EPHA6: variants seen among roughly 807,000 people sequenced by gnomAD.
EPHA6 encodes the protein ephrin type-A receptor 6.
In EPHA6, 50 loss-of-function variants were observed where a neutral mutation model predicts 112.0. The ratio of observed to expected loss-of-function variants is 0.45; its 90% CI spans 0.36 to 0.56. The LOEUF is 0.56. Ranked by LOEUF, EPHA6 falls within the 20% of genes least tolerant of loss-of-function variation. The pLI, the probability that EPHA6 is intolerant of heterozygous loss-of-function variation, is 0.00. For synonymous variants in EPHA6, 529 were observed against 490.7 expected (o/e 1.08, Z -1.03); for missense variants, 1,280 against 1,417.4 (o/e 0.90, Z 1.56).
intron 5 of EPHA6, among the ~76,000 whole-genome samples, chr3:97,356,108 C>G (rs1370279762): frequency 2.0e-5 from 3 of 152,166 alleles, no homozygotes; most frequent in African/African-American, 7.2e-5. Context: ...TGCCTCCTGT[C>G]AGATCAGTGG....
intron 3 of EPHA6, among the ~76,000 whole-genome samples, chr3:97,063,371 A>T (rs2046083252): frequency 6.6e-6 from 1 of 152,244 alleles, no homozygotes; most frequent in Admixed American, 6.5e-5. Context: ...CTATGCAGCC[A>T]TAAAAAGGAA....
At chr3:97,507,073 G>T (rs923371287) in intron 10 of EPHA6, among the ~76,000 whole-genome samples, 1 of 152,134 alleles carries the variant, frequency 6.6e-6, no homozygotes, top group African/African-American at 2.4e-5. Flanking sequence ...GAGCTGAGAT[G>T]ATGGGGTTTT....
At chr3:97,521,889 GTGA>G (rs1160274787) in intron 10 of EPHA6, among the ~76,000 whole-genome samples, 6 of 147,126 alleles carry the variant, frequency 4.1e-5, no homozygotes, top group African/African-American at 1.5e-4. Context: ...GTGTAGGATA[GTGA>G]CTACCAAACT....
intron 14 of EPHA6, among the ~76,000 whole-genome samples, chr3:97,674,043 C>T (rs2107664979): frequency 6.6e-6 from 1 of 152,208 alleles, no homozygotes; most frequent in Middle Eastern, 3.4e-3. Context: ...GATGTATGTG[C>T]AGAACGACAG....
chr3:97,475,854 G>A (rs1004628039), intron 8 of EPHA6, among the ~76,000 whole-genome samples: 2 of 151,922 alleles, frequency 1.3e-5, no homozygotes, highest in Non-Finnish European at 2.9e-5. Flanking sequence ...ATTAAATATT[G>A]AAACTGTCTA....
At position 96,959,196 on chromosome 3, in the gene EPHA6, G is replaced by A. The variant is rs531085828; in HGVS notation, c.451-28134G>A. Among the ~76,000 whole-genome samples the A allele has an allele frequency of 3.3e-5, 5 of 152,288 alleles. No individual in the cohort carries two copies. The South Asian group carries it at 1.0e-3, about 32-fold the overall frequency. On this transcript the variant is annotated intron_variant, in intron 2 of 17. Transcript: ENST00000389672. ...TTTATTGTCTGGTGTTTGTTTGTAGGCATCCTAGTAAGCGTGGAGTGGTTT... is the reference window on the plus strand; with the variant it reads ...TTTATTGTCTGGTGTTTGTTTGTAGACATCCTAGTAAGCGTGGAGTGGTTT...
chr3:97,170,463 G>A (rs146825548), intron 3 of EPHA6, among the ~76,000 whole-genome samples: 30 of 152,240 alleles, frequency 2.0e-4, no homozygotes, highest in African/African-American at 4.1e-4. Context: ...GGAGCCAGGC[G>A]TGGTGGCTCA....
chr3:97,532,304 C>A, intron 10 of EPHA6, 54 bp from the exon 11 acceptor site: 1 of 1,497,948 alleles, frequency 6.7e-7, no homozygotes. Context: ...TTTGACTCTT[C>A]TGAAATGTAA....
At chr3:97,500,516 CA>C (rs943672319) in intron 10 of EPHA6, among the ~76,000 whole-genome samples, 2 of 151,978 alleles carry the variant, frequency 1.3e-5, no homozygotes, top group Non-Finnish European at 2.9e-5. Context: ...AGAACAGCAC[CA>C]GGGGGATAGT....
At chr3:97,049,530 C>G (rs1397515462) in intron 3 of EPHA6, among the ~76,000 whole-genome samples, 1 of 152,088 alleles carries the variant, frequency 6.6e-6, no homozygotes, top group East Asian at 1.9e-4. Flanking sequence ...TTAGTAATCT[C>G]GTTTTACAAG....
In EPHA6 at chr3:97,756,525, T is replaced by C. The variant is rs1299423838; in HGVS notation, c.*7824T>C. ...GAAAGTAAGGTTTAATGTGTATAAA[T>C]GTTTGTCATTGAAGTTTGGAATTTA... On this transcript the variant is annotated 3_prime_UTR_variant, in exon 18 of 18. Coordinates refer to ENST00000389672, the MANE Select transcript of EPHA6 (RefSeq NM_001080448.3). Among the ~76,000 whole-genome samples, 1 of 151,972 alleles carries C rather than the reference T, an allele frequency of 6.6e-6. No homozygotes were observed. The highest frequency in any genetic ancestry group is 1.5e-5 in the Non-Finnish European group (1 of 67,824).
At position 96,846,135 on chromosome 3, in the gene EPHA6, G is replaced by A. The variant is rs139331397; in HGVS notation, c.386-20690G>A. Among the ~76,000 whole-genome samples, 369 of 151,918 alleles carry A rather than the reference G, an allele frequency of 2.4e-3. 1 individual carries two copies. The highest frequency in any genetic ancestry group is 8.7e-3 in the African/African-American group (361 of 41,470). ...ATAGAAAATATAAAATTAAATCAAAGGCAAGTATTTTGTGAAATTTTGCTT... is the reference window on the plus strand; with the variant it reads ...ATAGAAAATATAAAATTAAATCAAAAGCAAGTATTTTGTGAAATTTTGCTT... On this transcript the variant is annotated intron_variant, in intron 1 of 17. Transcript: ENST00000389672.
intron 3 of EPHA6, among the ~76,000 whole-genome samples, chr3:97,085,902 T>C (rs1156665774): frequency 1.4e-5 from 2 of 147,916 alleles, no homozygotes. Flanking sequence ...AAAATTCAGA[T>C]TTGTGAGCTT....
At chr3:97,517,388 G>A (rs147708089) in intron 10 of EPHA6, among the ~76,000 whole-genome samples, 90 of 152,156 alleles carry the variant, frequency 5.9e-4, no homozygotes, top group Non-Finnish European at 1.0e-3. Context: ...GCAGGGGTTT[G>A]CTCTAGATTG....
At chr3:97,090,446 A>G (rs903079006) in intron 3 of EPHA6, among the ~76,000 whole-genome samples, 2 of 152,100 alleles carry the variant, frequency 1.3e-5, no homozygotes, top group Non-Finnish European at 2.9e-5. Flanking sequence ...TAGACATTGT[A>G]ATTTTTTTGC....
chr3:97,521,443 A>G (rs897406864), intron 10 of EPHA6, among the ~76,000 whole-genome samples: 1 of 152,160 alleles, frequency 6.6e-6, no homozygotes, highest in Non-Finnish European at 1.5e-5. Flanking sequence ...GAAACTTACA[A>G]TTATGGTGGA....
chr3:97,330,564 A>T (rs1576993995), intron 5 of EPHA6, among the ~76,000 whole-genome samples: 1 of 151,958 alleles, frequency 6.6e-6, no homozygotes, highest in Non-Finnish European at 1.5e-5. Flanking sequence ...CTAGGCATTT[A>T]ATTCTCTTTG....
intron 5 of EPHA6, among the ~76,000 whole-genome samples, chr3:97,361,152 C>A (rs919387260): frequency 1.3e-5 from 2 of 152,190 alleles, no homozygotes; most frequent in African/African-American, 4.8e-5. Flanking sequence ...CATAGGCATG[C>A]ATCATTTATA....
rs182246017 is a variant in EPHA6 at position 96,836,916 on chromosome 3, G to A, written c.385+21908G>A. ...ACTTAATCCTCCTTTCACCCCCTAT[G>A]AGGTAGATACCATTATTATTCCCCT... On this transcript the variant is annotated intron_variant, in intron 1 of 17. Transcript: ENST00000389672. Among the ~76,000 whole-genome samples the A allele has an allele frequency of 2.9e-3, 447 of 152,282 alleles. 4 individuals are homozygous for A. Among genetic ancestry groups the A allele is most frequent in the African/African-American group, 9.7e-3 (405 of 41,578 alleles).
Sources: gnomAD v4.1 joint callset for allele counts (sites outside exome capture counted in the v4.1 genomes callset) on GRCh38, gnomAD v4.1.1 for gene constraint, MANE v1.5 for transcripts, NCBI Gene and HGNC (gene_info 2026-07-23, HGNC 2026-07-21) for gene names.